The following PLCH1 variants were observed in gnomAD, a reference collection of about 807,000 sequenced individuals.
PLCH1 encodes the protein 1-phosphatidylinositol 4,5-bisphosphate phosphodiesterase eta-1.
A neutral mutation model predicts 126.7 loss-of-function variants in PLCH1; 60 were observed. That is an observed-to-expected ratio of 0.47 (90% CI 0.38 to 0.59). The LOEUF is 0.59. Ranked by LOEUF, PLCH1 falls within the 20% of genes least tolerant of loss-of-function variation. The probability of loss-of-function intolerance (pLI) is 0.00; values close to 1 mark genes in which losing one functional copy is unlikely to be tolerated. For synonymous variants in PLCH1, 719 were observed against 734.9 expected, an observed-to-expected ratio of 0.98 and a Z score of 0.35; for missense variants, 1,723 against 2,040.0, an observed-to-expected ratio of 0.84 and a Z score of 2.99.
At chr3:155,650,597 A>T (rs1312160411) in intron 2 of PLCH1, among the ~76,000 whole-genome samples, 1 of 152,252 alleles carries the variant, frequency 6.6e-6, no homozygotes, top group Admixed American at 6.5e-5. Context: ...GGAAATTAAG[A>T]GAAAGTAGTT....
intron 1 of PLCH1, among the ~76,000 whole-genome samples, chr3:155,705,722 C>T (rs1171331344): frequency 2.6e-5 from 4 of 152,188 alleles, no homozygotes; most frequent in Non-Finnish European, 4.4e-5. Context: ...GTACTCTTCT[C>T]TCCTTCTACA....
chr3:155,610,927 G>A (rs12632699), intron 2 of PLCH1, among the ~76,000 whole-genome samples: 73,855 of 152,010 alleles, frequency 0.49, 20,328 homozygotes, highest in African/African-American at 0.74. Context: ...ATGGCAGAAT[G>A]AATAAAAATC....
At position 155,745,026 on chromosome 3, in the gene PLCH1, A is replaced by T. The variant is rs535971290; in HGVS notation, c.-227T>A. Reference sequence around the variant, plus strand: ...CACTAGCCAGCAGAAGCCCCAGACGAGCGGGGAAGAGCAGGGCGCCGCCGC... The same window carrying T: ...CACTAGCCAGCAGAAGCCCCAGACGTGCGGGGAAGAGCAGGGCGCCGCCGC... On this transcript the variant is annotated 5_prime_UTR_variant, in exon 1 of 23. Transcript: ENST00000460012. The T allele has an allele frequency of 4.6e-5, 7 of 152,684 alleles. No individual in the cohort carries two copies. Among genetic ancestry groups the T allele is most frequent in the African/African-American group, 1.7e-4 (7 of 41,560 alleles). The allele number at this position is 152,684 out of a possible 1,614,324, so 9.5% of individuals were successfully genotyped here. A position where few individuals can be genotyped will look rare whatever the true frequency, so the allele number is the denominator to read the frequency against.
intron 2 of PLCH1, among the ~76,000 whole-genome samples, chr3:155,606,603 T>C (rs1403841819): frequency 6.6e-6 from 1 of 152,212 alleles, no homozygotes; most frequent in Non-Finnish European, 1.5e-5. Flanking sequence ...TAAGTGGCAG[T>C]TGCTTATAGT....
intron 2 of PLCH1, among the ~76,000 whole-genome samples, chr3:155,627,987 G>A (rs1260478779): frequency 1.3e-5 from 2 of 151,770 alleles, no homozygotes; most frequent in African/African-American, 2.4e-5. Context: ...GGTTGATCTC[G>A]AACTCCTGAC....
chr3:155,452,656 G>A lies in PLCH1; in HGVS notation c.2938+32700C>T, dbSNP rs186134500. ...AAGTACAAGAAGGAAGGAGCTGGGT[G>A]ACTATGTATATAATACTTTTGAACA... On this transcript the variant is annotated intron_variant, in intron 21 of 21. Coordinates refer to the PLCH1 transcript ENST00000494598. 2.1e-3 allele frequency among the ~76,000 whole-genome samples: 323 copies of A among 152,200 alleles called. 2 individuals carry two copies. The highest frequency in any genetic ancestry group is 7.2e-3 in the African/African-American group (299 of 41,528).
intron 2 of PLCH1, among the ~76,000 whole-genome samples, chr3:155,607,517 T>G (rs1734517391): frequency 6.6e-6 from 1 of 152,100 alleles, no homozygotes; most frequent in Non-Finnish European, 1.5e-5. Flanking sequence ...CACGGCTCAC[T>G]GCAGCCTCAA....
At chr3:155,695,706 A>G (rs927337643) in intron 2 of PLCH1, among the ~76,000 whole-genome samples, 2 of 152,240 alleles carry the variant, frequency 1.3e-5, no homozygotes, top group African/African-American at 4.8e-5. Flanking sequence ...AACACAATGA[A>G]GCAGCAAAAT....
chr3:155,538,488 T>C (rs1723755397), intron 10 of PLCH1, among the ~76,000 whole-genome samples: 1 of 151,700 alleles, frequency 6.6e-6, no homozygotes, highest in South Asian at 2.1e-4. Flanking sequence ...TAAACAAAAT[T>C]GATAGACCAT....
intron 1 of PLCH1, among the ~76,000 whole-genome samples, chr3:155,708,991 A>G (rs1298336962): frequency 6.6e-6 from 1 of 152,022 alleles, no homozygotes; most frequent in Non-Finnish European, 1.5e-5. Flanking sequence ...CTGTCTCTAT[A>G]GTTTTGCCTT....
At chr3:155,599,103 G>A (rs1211662626) in intron 2 of PLCH1, among the ~76,000 whole-genome samples, 1 of 148,268 alleles carries the variant, frequency 6.7e-6, no homozygotes, top group East Asian at 2.0e-4. Flanking sequence ...AAGTGAATCT[G>A]TTGGGACTCT....
intron 1 of PLCH1, among the ~76,000 whole-genome samples, chr3:155,737,231 CAA>C (rs557369057): frequency 0.03 from 1,814 of 59,568 alleles, 114 homozygotes; most frequent in South Asian, 0.092. Flanking sequence ...GCCTCCGTCT[CAA>C]AAAAAAAAAA....
intron 2 of PLCH1, among the ~76,000 whole-genome samples, chr3:155,622,748 C>T (rs1239900582): frequency 6.6e-6 from 1 of 152,164 alleles, no homozygotes; most frequent in African/African-American, 2.4e-5. Flanking sequence ...CACAGGAGCA[C>T]TCAGATTCAT....
chr3:155,669,794 TTCA>T (rs1468706669), intron 2 of PLCH1, among the ~76,000 whole-genome samples: 1 of 152,218 alleles, frequency 6.6e-6, no homozygotes, highest in African/African-American at 2.4e-5. Flanking sequence ...CTGTCTCCTG[TTCA>T]TACTGTTCAT....
At position 155,482,516 on chromosome 3, in the gene PLCH1, G is replaced by A. The variant is rs184137077; in HGVS notation, c.3510C>T (p.Ser1170=). The A allele has an allele frequency of 2.8e-5, 46 of 1,614,114 alleles. No individual in the cohort carries two copies. The highest frequency in any genetic ancestry group is 2.2e-5 in the South Asian group (2 of 91,082). Reference sequence around the variant, plus strand: ...TTAAAGTGACATTGTCAATAAGATGGGAAATTACACTCTCCTGCAGAATTG... The same window carrying A: ...TTAAAGTGACATTGTCAATAAGATGAGAAATTACACTCTCCTGCAGAATTG... The part of the protein sequence containing the change: ...STAILQESVI[S]HLIDNVTLTN... Residue 1170 remains serine, a synonymous_variant, in exon 23 of 23, where the codon TCC becomes TCT. Coordinates refer to ENST00000460012, the MANE Select transcript of PLCH1 (RefSeq NM_014996.4).
chr3:155,516,602 T>C (rs1462436770), intron 11 of PLCH1, among the ~76,000 whole-genome samples: 2 of 152,024 alleles, frequency 1.3e-5, no homozygotes, highest in African/African-American at 4.8e-5. Context: ...AGAAACAGTA[T>C]TAATCTGGCA....
chr3:155,665,189 A>G (rs1742589668), intron 2 of PLCH1, among the ~76,000 whole-genome samples: 1 of 152,210 alleles, frequency 6.6e-6, no homozygotes, highest in African/African-American at 2.4e-5. Context: ...AGACAGAAGC[A>G]GCCTGGGCCG....
chr3:155,710,412 T>G (rs1387562451), intron 1 of PLCH1, among the ~76,000 whole-genome samples: 1 of 152,222 alleles, frequency 6.6e-6, no homozygotes, highest in East Asian at 1.9e-4. Flanking sequence ...GGAGCAAAAA[T>G]TTTTAATTTT....
intron 2 of PLCH1, among the ~76,000 whole-genome samples, chr3:155,623,616 A>G (rs1736824734): frequency 6.6e-6 from 1 of 152,184 alleles, no homozygotes; most frequent in Non-Finnish European, 1.5e-5. Flanking sequence ...ACATCAGAGA[A>G]TACTATGAAC....
Sources: allele counts gnomAD v4.1 joint callset (sites outside exome capture counted in the v4.1 genomes callset), GRCh38; gene constraint gnomAD v4.1.1; transcripts MANE v1.5; gene names NCBI Gene and HGNC (gene_info 2026-07-23, HGNC 2026-07-21).